Variants in FOXO1 observed in about 807,000 individuals in gnomAD.
FOXO1 encodes the protein forkhead box O1.
Under a neutral mutation model 44.1 loss-of-function variants are expected in FOXO1, and 6 were observed. That is an observed-to-expected ratio of 0.14 (90% confidence interval 0.07 to 0.27). The LOEUF (loss-of-function observed/expected upper bound fraction) is 0.27. Among genes scored for constraint, FOXO1 ranks in the 10% least tolerant of loss-of-function variants. The pLI is 1.00. For missense variants in FOXO1, 737 were observed against 888.8 expected, an observed-to-expected ratio of 0.83 and a Z score of 2.17; for synonymous variants, 380 against 362.7, an observed-to-expected ratio of 1.05 and a Z score of -0.54.
At chr13:40,661,457 C>T (rs899234551) in intron 1 of FOXO1, among the ~76,000 whole-genome samples, 1 of 151,848 alleles carries the variant, frequency 6.6e-6, no homozygotes, top group Non-Finnish European at 1.5e-5. Context: ...CCACCACACC[C>T]GGCTAATTTT....
At chr13:40,636,106 T>C (rs1027309984) in intron 1 of FOXO1, among the ~76,000 whole-genome samples, 2 of 152,016 alleles carry the variant, frequency 1.3e-5, no homozygotes, top group Admixed American at 6.5e-5. Context: ...TCCCAACTAC[T>C]TGGGAGGCGG....
At position 40,632,562 on chromosome 13, in the gene FOXO1, C is replaced by T. The variant is rs575111714; in HGVS notation, c.630+33021G>A. Among the ~76,000 whole-genome samples, 11 of 151,804 alleles carry T rather than the reference C, an allele frequency of 7.2e-5. 1 individual carries two copies. Among genetic ancestry groups the T allele is most frequent in the African/African-American group, 2.4e-4 (10 of 41,378 alleles). ...CTGAGGCACGAATATCTCTTGAGCC[C>T]GGGAGGCGGAGGTTGCAGTGAGCTG... On this transcript the variant is annotated intron_variant, in intron 1 of 2. Transcript: ENST00000379561.
chr13:40,564,945 G>GAGTCGGGGAACCCCGAAATGGTGT (rs1874206336), intron 1 of FOXO1, among the ~76,000 whole-genome samples: 1 of 148,512 alleles, frequency 6.7e-6, no homozygotes, highest in African/African-American at 2.5e-5. Context: ...ACAGATGGGG[G>GAGTCGGGGAACCCCGAAATGGTGT]AGTCGGGGAA....
intron 1 of FOXO1, among the ~76,000 whole-genome samples, chr13:40,630,562 G>C (rs1876928222): frequency 6.6e-6 from 1 of 152,006 alleles, no homozygotes; most frequent in Non-Finnish European, 1.5e-5. Flanking sequence ...GGCTGAGGCA[G>C]GATAATTGCT....
At chr13:40,636,977 T>G (rs1877177853) in intron 1 of FOXO1, among the ~76,000 whole-genome samples, 1 of 152,122 alleles carries the variant, frequency 6.6e-6, no homozygotes, top group Admixed American at 6.6e-5. Context: ...TTTATGTAGC[T>G]CTCATAACAA....
At chr13:40,577,435 AACTC>A (rs1217627239) in intron 1 of FOXO1, among the ~76,000 whole-genome samples, 1 of 152,016 alleles carries the variant, frequency 6.6e-6, no homozygotes, top group Admixed American at 6.5e-5. Context: ...CAGGGTCTAA[AACTC>A]ACAGTTACTA....
chr13:40,664,653 G>A, intron 1 of FOXO1, among the ~76,000 whole-genome samples: 1 of 152,176 alleles, frequency 6.6e-6, no homozygotes, highest in East Asian at 1.9e-4. Flanking sequence ...CGGCCCCTCA[G>A]GGCAGCCTCT....
intron 1 of FOXO1, among the ~76,000 whole-genome samples, chr13:40,561,351 C>CAAAA (rs5803055): frequency 2.5e-5 from 3 of 119,536 alleles, no homozygotes; most frequent in African/African-American, 3.3e-5. Context: ...GACTCGATCT[C>CAAAA]AAAAAAAAAA....
intron 1 of FOXO1, among the ~76,000 whole-genome samples, chr13:40,587,982 C>T (rs1699746892): frequency 6.6e-6 from 1 of 152,160 alleles, no homozygotes; most frequent in South Asian, 2.1e-4. Flanking sequence ...CGGGCTAGAA[C>T]GGCACTTTTC....
At chr13:40,570,444 A>G (rs1874445824) in intron 1 of FOXO1, among the ~76,000 whole-genome samples, 1 of 152,212 alleles carries the variant, frequency 6.6e-6, no homozygotes, top group African/African-American at 2.4e-5. Context: ...CAAAGAAGGA[A>G]GAAGGGGGCC....
chr13:40,612,299 A>G (rs372792509), intron 1 of FOXO1, among the ~76,000 whole-genome samples: 10 of 152,228 alleles, frequency 6.6e-5, no homozygotes, highest in Non-Finnish European at 1.3e-4. Flanking sequence ...CCTCTCCTAC[A>G]GGGTTCTAGA....
intron 1 of FOXO1, among the ~76,000 whole-genome samples, chr13:40,664,782 G>A (rs1005083795): frequency 2.0e-5 from 3 of 151,360 alleles, no homozygotes; most frequent in African/African-American, 4.9e-5. Context: ...AAAGGCGCGG[G>A]CTTCCTGCGC....
intron 1 of FOXO1, among the ~76,000 whole-genome samples, chr13:40,565,968 A>G (rs1874252912): frequency 6.6e-6 from 1 of 152,216 alleles, no homozygotes; most frequent in African/African-American, 2.4e-5. Context: ...TTCTCTTGAC[A>G]CTAGATATTG....
In FOXO1 at chr13:40,560,907, C is replaced by G. The variant is rs1359636328; in HGVS notation, c.631-47G>C. On this transcript the variant is annotated intron_variant, in intron 1 of 2. Coordinates refer to ENST00000379561, the MANE Select transcript of FOXO1 (RefSeq NM_002015.4). This position sits in a 1 kb window ranked among gnomAD's most constrained non-coding sequence, Gnocchi z 5.1. ...TAGAAGTACAATACTTCTCTGCTTG[C>G]AAAACTTCCTATTCTACATGTATTA... The G allele has an allele frequency of 6.6e-7, 1 of 1,525,052 alleles. No homozygotes were observed. The highest frequency in any genetic ancestry group is 2.1e-5 in the Admixed American group (1 of 47,802). 94.5% of individuals were successfully genotyped at this position (1,525,052 alleles called of 1,614,324 possible). A position where few individuals can be genotyped will look rare whatever the true frequency, so the allele number is the denominator to read the frequency against.
chr13:40,566,444 T>A (rs1004927831), intron 1 of FOXO1, among the ~76,000 whole-genome samples: 23 of 152,098 alleles, frequency 1.5e-4, no homozygotes, highest in African/African-American at 4.3e-4. Flanking sequence ...AGTGGCTTGA[T>A]CTTGGCTCAC....
At chr13:40,641,409 T>TTA (rs1315633738) in intron 1 of FOXO1, among the ~76,000 whole-genome samples, 1 of 151,184 alleles carries the variant, frequency 6.6e-6, no homozygotes, top group African/African-American at 2.4e-5. Flanking sequence ...TTATATCTCA[T>TTA]TATATATATC....
At chr13:40,620,798 G>GATTTTTTTTTTTTTTTTT (rs762814974) in intron 1 of FOXO1, among the ~76,000 whole-genome samples, 1 of 105,516 alleles carries the variant, frequency 9.5e-6, no homozygotes. Context: ...TCTTCCCCTT[G>GATTTTTTTTTTTTTTTTT]CTTTTTTTTT....
intron 1 of FOXO1, among the ~76,000 whole-genome samples, chr13:40,596,122 G>A (rs1875569341): frequency 3.9e-5 from 6 of 152,042 alleles, no homozygotes; most frequent in Admixed American, 3.9e-4. Context: ...TAAAGTTATG[G>A]AACATGAGAC....
At chr13:40,665,128 T>TCGCCGCGCCCTCCCC (rs963123864) in intron 1 of FOXO1, among the ~76,000 whole-genome samples, 2 of 149,806 alleles carry the variant, frequency 1.3e-5, no homozygotes, top group Non-Finnish European at 3.0e-5. Flanking sequence ...CCGGGGCCCC[T>TCGCCGCGCCCTCCCC]CGCCGCGCCC....
Sources: allele counts gnomAD v4.1 joint callset (sites outside exome capture counted in the v4.1 genomes callset), GRCh38; gene constraint gnomAD v4.1.1; non-coding constraint Gnocchi (gnomAD v3.1); transcripts MANE v1.5; gene names NCBI Gene and HGNC (gene_info 2026-07-23, HGNC 2026-07-21).